PIK3R1: variants seen among roughly 807,000 people sequenced by gnomAD.
PIK3R1 encodes the protein phosphatidylinositol 3-kinase regulatory subunit alpha.
A neutral mutation model predicts 98.0 loss-of-function variants in PIK3R1; 29 were observed. The observed-to-expected ratio is 0.30, with a 90% CI of 0.22 to 0.40. The LOEUF (loss-of-function observed/expected upper bound fraction) is 0.40. Ranked by LOEUF, PIK3R1 falls within the 10% of genes least tolerant of loss-of-function variation. PIK3R1 has a pLI of 1.00. For missense variants in PIK3R1, 596 were observed against 872.7 expected, an observed-to-expected ratio of 0.68 and a Z score of 3.99; for synonymous variants, 282 against 311.8, an observed-to-expected ratio of 0.90 and a Z score of 1.01.
chr5:68,229,741 C>T (rs1473358274), intron 2 of PIK3R1, among the ~76,000 whole-genome samples: 5 of 152,150 alleles, frequency 3.3e-5, no homozygotes, highest in East Asian at 3.9e-4. Context: ...CCTCCCTGTA[C>T]GATAGTGTCT....
At chr5:68,288,439 G>C in intron 7 of PIK3R1, 1 of 1,263,228 alleles carries the variant, frequency 7.9e-7, no homozygotes, top group East Asian at 3.3e-5. Flanking sequence ...AATCCAGTTG[G>C]CTTCTCAATG....
At chr5:68,284,480 C>T (rs570698152) in intron 7 of PIK3R1, among the ~76,000 whole-genome samples, 1 of 152,338 alleles carries the variant, frequency 6.6e-6, no homozygotes, top group Admixed American at 6.5e-5. Context: ...CACCACTCCT[C>T]CATCTTGCCT....
At chr5:68,245,677 A>G (rs562911010) in intron 2 of PIK3R1, among the ~76,000 whole-genome samples, 1 of 152,376 alleles carries the variant, frequency 6.6e-6, no homozygotes, top group South Asian at 2.1e-4. Context: ...ATTAAAAAAT[A>G]CATTTGGGAC....
Position 68,226,768 on chromosome 5 carries a change from T to C in PIK3R1, c.93T>C (p.Thr31=). 1 of 1,614,088 alleles carries C rather than the reference T, an allele frequency of 6.2e-7. No homozygotes were observed. The highest frequency in any genetic ancestry group is 8.5e-7 in the Non-Finnish European group (1 of 1,179,992). The change falls in exon 2 of 16, where the codon ACT becomes ACC. Residue 31 remains threonine, a synonymous_variant. Coordinates refer to ENST00000521381, the MANE Select transcript of PIK3R1 (RefSeq NM_181523.3). ...ACTTGCACTTGGGTGACATATTGAC[T>C]GTGAATAAAGGGTCCTTAGTAGCTC... The part of the protein sequence containing the change: ...DIDLHLGDIL[T]VNKGSLVALG...
At chr5:68,291,658 T>A (rs1283286956) in intron 7 of PIK3R1, 1 of 152,438 alleles carries the variant, frequency 6.6e-6, no homozygotes, top group African/African-American at 2.4e-5. Flanking sequence ...AACAGAATAT[T>A]AACATATTAA....
intron 2 of PIK3R1, chr5:68,239,816 A>G (rs1159429944): frequency 1.0e-5 from 5 of 500,562 alleles, no homozygotes; most frequent in Admixed American, 7.1e-5. Context: ...AAAGTGAGTT[A>G]AACAAGCAGA....
intron 2 of PIK3R1, among the ~76,000 whole-genome samples, chr5:68,266,573 G>A (rs1040124600): frequency 6.6e-6 from 1 of 152,172 alleles, no homozygotes; most frequent in African/African-American, 2.4e-5. Flanking sequence ...TCCCTTGTGG[G>A]ATTGACCATC....
intron 15 of PIK3R1, 50 bp downstream of exon 15, chr5:68,296,391 T>A: frequency 6.7e-7 from 1 of 1,492,360 alleles, no homozygotes; most frequent in Non-Finnish European, 9.2e-7. Context: ...GAAGAGATGT[T>A]TCATTTATTC....
At chr5:68,266,179 A>G (rs1746116146) in intron 2 of PIK3R1, among the ~76,000 whole-genome samples, 1 of 152,166 alleles carries the variant, frequency 6.6e-6, no homozygotes, top group Non-Finnish European at 1.5e-5. Context: ...TCCTAATACT[A>G]ATCAGGGGAT....
At chr5:68,229,928 T>C (rs1185039463) in intron 2 of PIK3R1, among the ~76,000 whole-genome samples, 1 of 152,238 alleles carries the variant, frequency 6.6e-6, no homozygotes, top group Non-Finnish European at 1.5e-5. Flanking sequence ...ATTGTTTTAA[T>C]TGGATAATTT....
chr5:68,241,520 C>T (rs1254699619), intron 2 of PIK3R1, among the ~76,000 whole-genome samples: 1 of 151,992 alleles, frequency 6.6e-6, no homozygotes, highest in Non-Finnish European at 1.5e-5. Flanking sequence ...AATGTGACTC[C>T]TTACTAACAC....
chr5:68,296,340 G>A lies in PIK3R1; in HGVS notation c.1984G>A (p.Val662Met), dbSNP rs1245369080. The change falls in exon 15 of 16, where the codon GTG becomes ATG. Residue 662 changes from valine to methionine, a missense_variant and splice_region_variant. By Grantham distance (21) the Val-to-Met change is conservative (BLOSUM62 1). Transcript: ENST00000521381. ...SKQGCYACSV[V>M]VDGEVKHCVI... The stretch of plus-strand genomic sequence containing the variant: ...ACAGGGCTGCTATGCCTGCTCTGTA[G>A]TGTATGTATCTCCAGCAAACTTTTC... 6.2e-7 allele frequency: 1 copy of A among 1,609,580 alleles called. No individual in the cohort carries two copies. The highest frequency in any genetic ancestry group is 1.1e-5 in the South Asian group (1 of 90,592).
chr5:68,256,904 A>C (rs1745540932), intron 2 of PIK3R1, among the ~76,000 whole-genome samples: 1 of 152,188 alleles, frequency 6.6e-6, no homozygotes. Flanking sequence ...TTACCTGGCA[A>C]GTGGCGGGGA....
chr5:68,217,128 C>T (rs1743915101), intron 1 of PIK3R1, among the ~76,000 whole-genome samples: 2 of 151,950 alleles, frequency 1.3e-5, no homozygotes, highest in South Asian at 2.1e-4. Flanking sequence ...TCAGCCAGTG[C>T]GAAGTACCAA....
At chr5:68,290,512 TAGTG>T (rs1747327897) in intron 7 of PIK3R1, 2 of 457,376 alleles carry the variant, frequency 4.4e-6, no homozygotes, top group Middle Eastern at 5.4e-4. Context: ...TGTAGCTTCT[TAGTG>T]AGGTTGGCAT....
At chr5:68,219,538 T>G (rs868399845) in intron 1 of PIK3R1, among the ~76,000 whole-genome samples, 2 of 152,328 alleles carry the variant, frequency 1.3e-5, no homozygotes, top group Middle Eastern at 3.4e-3. Flanking sequence ...ATCCTGGGGA[T>G]GCACACACAC....
chr5:68,233,866 A>C (rs1468875994), intron 2 of PIK3R1, among the ~76,000 whole-genome samples: 1 of 152,182 alleles, frequency 6.6e-6, no homozygotes, highest in African/African-American at 2.4e-5. Context: ...ATTTTCAGGA[A>C]TACCCTCTCT....
At chr5:68,217,805 A>G (rs1308149840) in intron 1 of PIK3R1, 1 of 152,344 alleles carries the variant, frequency 6.6e-6, no homozygotes, top group East Asian at 1.9e-4. Context: ...GCAGGTAGGT[A>G]CTAGATAATC....
chr5:68,235,742 T>G (rs2112000049), intron 2 of PIK3R1, among the ~76,000 whole-genome samples: 1 of 152,314 alleles, frequency 6.6e-6, no homozygotes, highest in East Asian at 1.9e-4. Context: ...TTGGTTAGAG[T>G]ATATCAAAGT....
Sources: allele counts gnomAD v4.1 joint callset (sites outside exome capture counted in the v4.1 genomes callset), GRCh38; gene constraint gnomAD v4.1.1; transcripts MANE v1.5; gene names NCBI Gene and HGNC (gene_info 2026-07-23, HGNC 2026-07-21).